SCUBE2: variants seen among roughly 807,000 people sequenced by gnomAD.
The protein encoded by SCUBE2 is signal peptide, CUB and EGF-like domain-containing protein 2.
A neutral mutation model predicts 125.9 loss-of-function variants in SCUBE2; 114 were observed. The observed-to-expected ratio is 0.91, with a 90% CI of 0.78 to 1.06. SCUBE2 has a LOEUF of 1.06. Ranked by LOEUF, SCUBE2 falls within the 50% of genes least tolerant of loss-of-function variation. The probability of loss-of-function intolerance (pLI) is 0.00; values close to 1 mark genes in which losing one functional copy is unlikely to be tolerated. For synonymous variants in SCUBE2, 459 were observed against 492.9 expected (o/e 0.93, Z 0.91); for missense variants, 1,255 against 1,301.8 (o/e 0.96, Z 0.55).
At chr11:9,046,691 T>C (rs1329705753) in intron 16 of SCUBE2, among the ~76,000 whole-genome samples, 1 of 152,214 alleles carries the variant, frequency 6.6e-6, no homozygotes, top group Non-Finnish European at 1.5e-5. Flanking sequence ...ATCAACCAGC[T>C]GGGCTGTTTT....
At chr11:9,072,929 G>C (rs893338953) in intron 4 of SCUBE2, among the ~76,000 whole-genome samples, 1 of 152,150 alleles carries the variant, frequency 6.6e-6, no homozygotes, top group African/African-American at 2.4e-5. Context: ...CAGGAGGGGA[G>C]AGTGGGGCTG....
chr11:9,047,222 A>G (rs926800905), intron 16 of SCUBE2, 134 bp downstream of exon 16: 1 of 873,086 alleles, frequency 1.1e-6, no homozygotes, highest in Admixed American at 2.3e-5. Flanking sequence ...AGTTACTGAA[A>G]CAGAAGCACT....
intron 3 of SCUBE2, among the ~76,000 whole-genome samples, chr11:9,075,308 A>G (rs905546229): frequency 6.6e-6 from 1 of 152,148 alleles, no homozygotes; most frequent in African/African-American, 2.4e-5. Context: ...GGTGGTACCA[A>G]GGAAAGAAAT....
intron 17 of SCUBE2, among the ~76,000 whole-genome samples, 170 bp downstream of exon 17, chr11:9,033,456 T>C (rs1566171958): frequency 6.6e-6 from 1 of 152,154 alleles, no homozygotes; most frequent in African/African-American, 2.4e-5. Flanking sequence ...CCAGCATGTG[T>C]CAGGCACTGA....
At chr11:9,025,983 G>A in intron 20 of SCUBE2, 129 bp from the exon 21 acceptor site, 1 of 953,512 alleles carries the variant, frequency 1.0e-6, no homozygotes, top group Non-Finnish European at 1.5e-6. Context: ...AGGCCCAGCT[G>A]AGCCATCATA....
chr11:9,086,495 C>G (rs969222619), intron 2 of SCUBE2, among the ~76,000 whole-genome samples: 9 of 152,212 alleles, frequency 5.9e-5, no homozygotes, highest in Admixed American at 5.9e-4. Flanking sequence ...CTCATTTCCT[C>G]TCCTTTTCCT....
At chr11:9,049,419 T>C (rs914414793) in intron 14 of SCUBE2, among the ~76,000 whole-genome samples, 16 of 152,058 alleles carry the variant, frequency 1.1e-4, no homozygotes, top group African/African-American at 3.1e-4. Flanking sequence ...AATTTTTTTA[T>C]AGTTTTTGTA....
In SCUBE2 at chr11:9,065,713, T is replaced by A. The variant is rs541057487; in HGVS notation, c.850+178A>T. ...ACACGAGACCAAGGGTCTTGCTTGG[T>A]TGGTGATTAAGCAACAGCACTGGTG... On this transcript the variant is annotated intron_variant, in intron 7 of 22. Transcript: ENST00000649792. 1.8e-4 allele frequency among the ~76,000 whole-genome samples: 27 copies of A among 152,304 alleles called. No individual in the cohort carries two copies. In the South Asian group the frequency reaches 5.4e-3, roughly 30 times the overall value.
intron 16 of SCUBE2, among the ~76,000 whole-genome samples, chr11:9,046,215 G>A (rs1002405814): frequency 9.2e-5 from 14 of 151,636 alleles, no homozygotes; most frequent in Admixed American, 2.0e-4. Context: ...TCACCATGCT[G>A]GCCAGGATGG....
At position 9,091,274 on chromosome 11, in the gene SCUBE2, C is replaced by CA; in HGVS notation, c.133+121_133+122insT. On this transcript the variant is annotated intron_variant, in intron 1 of 22. Transcript: ENST00000649792. The surrounding 1 kb of genome is among the most constrained non-coding windows in gnomAD (Gnocchi z 8.5). ...AGGTCCCGGGGGGAGCAGAGGCCCC[C>CA]GCGGAGCTGCAGCCGCCAGCCCCGA... The CA allele has an allele frequency of 1.5e-6, 1 of 662,604 alleles. No individual in the cohort carries two copies. Among genetic ancestry groups the CA allele is most frequent in the Non-Finnish European group, 2.1e-6 (1 of 482,738 alleles). The allele number at this position is 662,604 out of a possible 1,614,324, so 41.0% of individuals were successfully genotyped here.
At chr11:9,039,841 G>C (rs1818371503) in intron 16 of SCUBE2, among the ~76,000 whole-genome samples, 1 of 152,196 alleles carries the variant, frequency 6.6e-6, no homozygotes, top group African/African-American at 2.4e-5. Context: ...AATACATAGA[G>C]AATAGTTACA....
chr11:9,083,674 C>G (rs1184360881), intron 2 of SCUBE2, among the ~76,000 whole-genome samples: 1 of 151,906 alleles, frequency 6.6e-6, no homozygotes, highest in Admixed American at 6.6e-5. Context: ...CCTGCCTCAG[C>G]CTCCCGAGTA....
chr11:9,059,831 G>A (rs1859481425), intron 8 of SCUBE2: 1 of 166,086 alleles, frequency 6.0e-6, no homozygotes, highest in African/African-American at 2.4e-5. Context: ...ATTACACAAT[G>A]ATCAAATAGC....
intron 3 of SCUBE2, among the ~76,000 whole-genome samples, chr11:9,078,419 C>A (rs998937276): frequency 1.3e-5 from 2 of 152,190 alleles, no homozygotes; most frequent in Admixed American, 1.3e-4. Flanking sequence ...AGGGTTAAGT[C>A]CCAAATGGAA....
chr11:9,080,579 A>G (rs1397510545), intron 2 of SCUBE2, among the ~76,000 whole-genome samples: 1 of 151,724 alleles, frequency 6.6e-6, no homozygotes, highest in Non-Finnish European at 1.5e-5. Flanking sequence ...TGAGCCCAAC[A>G]TTGAGACCGC....
chr11:9,079,491 T>C lies in SCUBE2; in HGVS notation c.275A>G (p.Asn92Ser), dbSNP rs768576994. 2.5e-6 allele frequency: 4 copies of C among 1,613,762 alleles called. No individual in the cohort carries two copies. The highest frequency in any genetic ancestry group is 1.1e-5 in the South Asian group (1 of 90,974). ...RQCEDIDECG[N>S]ELNGGCVHDC... ...ATGGACACAGCCTCCATTGAGCTCA[T>C]TTCCACATTCATCGATGTCTGAGGA... is the stretch of plus-strand genomic sequence containing the variant. The change falls in exon 3 of 23, where the codon AAT becomes AGT. Residue 92 changes from asparagine (N) to serine (S), a missense_variant. By Grantham distance (46) the Asn-to-Ser change is conservative. Transcript: ENST00000649792.
chr11:9,085,497 C>T (rs1026687294), intron 2 of SCUBE2, among the ~76,000 whole-genome samples: 2 of 152,244 alleles, frequency 1.3e-5, no homozygotes. Flanking sequence ...GAGGCCAAGG[C>T]AGGCGGATCA....
intron 16 of SCUBE2, 71 bp from the exon 17 acceptor site, chr11:9,033,867 A>G: frequency 6.7e-7 from 1 of 1,492,884 alleles, no homozygotes. Flanking sequence ...AGTTCTAGAG[A>G]TGAAGGCAAA....
At chr11:9,052,697 C>A in intron 13 of SCUBE2, 49 bp downstream of exon 13, 2 of 1,359,902 alleles carry the variant, frequency 1.5e-6, no homozygotes, top group South Asian at 2.5e-5. Context: ...GAATGAAGCC[C>A]CTTGAACACA....
Sources: gnomAD v4.1 joint callset for allele counts (sites outside exome capture counted in the v4.1 genomes callset) on GRCh38, gnomAD v4.1.1 for gene constraint, Gnocchi (gnomAD v3.1) non-coding constraint, MANE v1.5 for transcripts, NCBI Gene and HGNC (gene_info 2026-07-23, HGNC 2026-07-21) for gene names.